The following FSCN3 variants were observed in gnomAD, a reference collection of about 807,000 sequenced individuals.
FSCN3 encodes the protein fascin-3.
Under a neutral mutation model 53.5 loss-of-function variants are expected in FSCN3, and 43 were observed. The observed-to-expected ratio is 0.80, with a 90% CI of 0.63 to 1.04. The LOEUF (loss-of-function observed/expected upper bound fraction) is 1.04, where lower values mean the gene tolerates loss of function less well. Among genes scored for constraint, FSCN3 ranks in the 50% least tolerant of loss-of-function variants. The probability of loss-of-function intolerance (pLI) is 0.00; values close to 1 mark genes in which losing one functional copy is unlikely to be tolerated. For synonymous variants in FSCN3, 235 were observed against 246.6 expected (o/e 0.95, Z 0.44); for missense variants, 594 against 646.5 (o/e 0.92, Z 0.88).
At position 127,595,644 on chromosome 7, in the gene FSCN3, C is replaced by T; in HGVS notation, c.482C>T (p.Pro161Leu). ...CACCGCTGCTATGCCCGGGCTGACC[C>T]CACTATGGGCCGCATCTGGGTGGAC... The part of the protein sequence containing the change: ...PIHRCYARAD[P>L]TMGRIWVDAA... The change falls in exon 2 of 7, where the codon CCC becomes CTC. Residue 161 changes from proline to leucine, a missense_variant. Coordinates refer to ENST00000265825, the MANE Select transcript of FSCN3 (RefSeq NM_020369.3). 6.2e-6 allele frequency: 10 copies of T among 1,614,022 alleles called. No homozygotes were observed. The highest frequency in any genetic ancestry group is 8.5e-6 in the Non-Finnish European group (10 of 1,179,872).
chr7:127,596,133 T>C (rs1366276199), intron 2 of FSCN3, 130 bp downstream of exon 2: 6 of 1,488,230 alleles, frequency 4.0e-6, no homozygotes, highest in Non-Finnish European at 5.3e-6. Context: ...AGGGGATCTT[T>C]TGTGCCATCG....
chr7:127,599,313 C>T lies in FSCN3; in HGVS notation c.1121-68C>T, dbSNP rs542091722. ...CACCCTTCTGCAATTAGCGTCCCCC[C>T]TCCTGCTTCCACTTGGGAAAACACC... On this transcript the variant is annotated intron_variant, in intron 4 of 6. Transcript: ENST00000265825. The T allele has an allele frequency of 9.6e-6, 12 of 1,248,034 alleles. No individual in the cohort carries two copies. In the East Asian group the frequency reaches 2.1e-4, roughly 22 times the overall value. The allele number at this position is 1,248,034 out of a possible 1,614,324, so 77.3% of individuals were successfully genotyped here. A position where few individuals can be genotyped will look rare whatever the true frequency, so the allele number is the denominator to read the frequency against.
intron 2 of FSCN3, 61 bp downstream of exon 2, chr7:127,596,064 T>C (rs1794383689): frequency 6.0e-6 from 9 of 1,500,912 alleles, no homozygotes; most frequent in Non-Finnish European, 8.0e-6. Flanking sequence ...AAGAGGAAAA[T>C]GTGTTTGGGA....
At chr7:127,594,056 G>T (rs914374203) in intron 1 of FSCN3, 59 bp downstream of exon 1, 10 of 1,582,032 alleles carry the variant, frequency 6.3e-6, no homozygotes, top group Non-Finnish European at 8.6e-6. Context: ...GTGTGTGTGT[G>T]TGTGCGCGCG....
Position 127,593,877 on chromosome 7 carries a change from C to G in FSCN3, c.24C>G (p.His8Gln). The G allele has an allele frequency of 6.3e-7, 1 of 1,575,904 alleles. No individual in the cohort carries two copies. Among genetic ancestry groups the G allele is most frequent in the Non-Finnish European group, 8.6e-7 (1 of 1,160,432 alleles). ...CCATGGATGAGACAGAGTGGATACA[C>G]AGACATCCCAAGGCTGAGGACCTAA... is the stretch of plus-strand genomic sequence containing the variant. MDETEWI[H>Q]RHPKAEDLRV... The change falls in exon 1 of 7, where the codon CAC becomes CAG. Residue 8 changes from histidine to glutamine, a missense_variant. His to Gln is a conservative substitution (Grantham distance 24). Transcript: ENST00000265825.
chr7:127,597,753 C>T (rs1010123200), intron 3 of FSCN3, among the ~76,000 whole-genome samples: 1 of 152,188 alleles, frequency 6.6e-6, no homozygotes, highest in African/African-American at 2.4e-5. Flanking sequence ...GCTGGGATTA[C>T]AGGCATGAGC....
intron 3 of FSCN3, chr7:127,596,713 T>G: frequency 4.9e-6 from 1 of 205,436 alleles, no homozygotes; most frequent in Non-Finnish European, 9.6e-6. Flanking sequence ...AAGTATATTA[T>G]GTATGTTTTA....
At chr7:127,596,030 A>T in intron 2 of FSCN3, 27 bp downstream of exon 2, 3 of 1,517,570 alleles carry the variant, frequency 2.0e-6, no homozygotes, top group Non-Finnish European at 2.6e-6. Flanking sequence ...ACACAGATGG[A>T]GGGAGAGAGG....
At chr7:127,594,152 T>G (rs1794341214) in intron 1 of FSCN3, among the ~76,000 whole-genome samples, 155 bp downstream of exon 1, 1 of 118,526 alleles carries the variant, frequency 8.4e-6, no homozygotes, top group Admixed American at 9.6e-5. Context: ...GTTTTCTGAG[T>G]GGCCAAGCTG....
chr7:127,597,245 G>T lies in FSCN3; in HGVS notation c.960+799G>T, dbSNP rs1025433603. Reference sequence around the variant, plus strand: ...TTATCTTGGGTAAATATGTAGGAGTGGAATTACTAGGTTGTATAATAGATA... The same window carrying T: ...TTATCTTGGGTAAATATGTAGGAGTTGAATTACTAGGTTGTATAATAGATA... On this transcript the variant is annotated intron_variant, in intron 3 of 6. Coordinates refer to ENST00000265825, the MANE Select transcript of FSCN3 (RefSeq NM_020369.3). Among the ~76,000 whole-genome samples the T allele has an allele frequency of 2.6e-5, 4 of 152,132 alleles. No homozygotes were observed. In the East Asian group the frequency reaches 7.7e-4, roughly 29 times the overall value.
chr7:127,596,431 C>T lies in FSCN3; in HGVS notation c.945C>T (p.Gly315=). 1 of 1,547,342 alleles carries T rather than the reference C, an allele frequency of 6.5e-7. No individual in the cohort carries two copies. Among genetic ancestry groups the T allele is most frequent in the South Asian group, 1.1e-5 (1 of 89,894 alleles). ...SPTVQLRSAN[G]YYLSQRRHRA... is the part of the protein sequence containing the mutation. The stretch of plus-strand genomic sequence containing the variant: ...CTGTGCAGCTTCGTTCAGCCAATGG[C>T]TACTACCTATCCCAGGTGAGACCTT... The change falls in exon 3 of 7, where the codon GGC becomes GGT. Residue 315 remains glycine, a synonymous_variant. Coordinates refer to ENST00000265825, the MANE Select transcript of FSCN3 (RefSeq NM_020369.3).
intron 1 of FSCN3, 66 bp downstream of exon 1, chr7:127,594,063 C>CGCGCGCGTGTGTGTGCGT: frequency 6.5e-7 from 1 of 1,531,882 alleles, no homozygotes; most frequent in Non-Finnish European, 8.9e-7. Flanking sequence ...TGTGTGTGCG[C>CGCGCGCGTGTGTGTGCGT]GCGCGCGTGT....
intron 3 of FSCN3, among the ~76,000 whole-genome samples, chr7:127,597,787 C>T (rs560977775): frequency 6.6e-6 from 1 of 152,258 alleles, no homozygotes; most frequent in Non-Finnish European, 1.5e-5. Context: ...TTCATGTGCT[C>T]ATTGGACATT....
intron 6 of FSCN3, among the ~76,000 whole-genome samples, chr7:127,600,728 T>C (rs999610821): frequency 1.3e-4 from 20 of 152,144 alleles, no homozygotes; most frequent in Non-Finnish European, 2.1e-4. Flanking sequence ...ACTCTATTTT[T>C]AGGGAAAACG....
In FSCN3 at chr7:127,595,647, C is replaced by A; in HGVS notation, c.485C>A (p.Thr162Asn). Reference protein sequence around the residue: ...IHRCYARADPTMGRIWVDAAV... With the variant: ...IHRCYARADPNMGRIWVDAAV... ...CGCTGCTATGCCCGGGCTGACCCCA[C>A]TATGGGCCGCATCTGGGTGGACGCA... Residue 162 changes from threonine to asparagine, a missense_variant, in exon 2 of 7, where the codon ACT (threonine) becomes AAT (asparagine). Thr to Asn is a moderately conservative substitution (Grantham distance 65). Coordinates refer to ENST00000265825, the MANE Select transcript of FSCN3 (RefSeq NM_020369.3). The A allele has an allele frequency of 6.2e-7, 1 of 1,614,000 alleles. No homozygotes were observed. The highest frequency in any genetic ancestry group is 8.5e-7 in the Non-Finnish European group (1 of 1,179,844).
chr7:127,596,698 C>T, intron 3 of FSCN3: 1 of 237,516 alleles, frequency 4.2e-6, no homozygotes, highest in Non-Finnish European at 7.9e-6. Flanking sequence ...ATATTATTTA[C>T]AAATAAGTAT....
Position 127,595,737 on chromosome 7 carries a change from A to C in FSCN3, c.575A>C (p.Glu192Ala), listed in dbSNP as rs1794377663. The change falls in exon 2 of 7, where the codon GAG becomes GCG. Residue 192 changes from glutamate (E) to alanine (A), a missense_variant. By Grantham distance (107) the Glu-to-Ala change is moderately radical. Transcript: ENST00000265825. ...TTCCGAGATGGATGCTACCACCTGG[A>C]GACCTCTACACACCACTTCTTGTCC... ...LHFRDGCYHL[E>A]TSTHHFLSHV... The C allele has an allele frequency of 6.2e-7, 1 of 1,613,258 alleles. No homozygotes were observed. Among genetic ancestry groups the C allele is most frequent in the Non-Finnish European group, 8.5e-7 (1 of 1,179,614 alleles).
chr7:127,595,869 A>G lies in FSCN3; in HGVS notation c.707A>G (p.Tyr236Cys), dbSNP rs778788818. Residue 236 changes from tyrosine (Y) to cysteine (C), a missense_variant, in exon 2 of 7, where the codon TAT becomes TGT. Transcript: ENST00000265825. ...TGTGATGGAGAAGGAGGCATGTTAT[A>G]TCCACAGGGCACGCATCTGCTCTTG... ...ALCDGEGGML[Y>C]PQGTHLLLGM... The G allele has an allele frequency of 2.5e-6, 4 of 1,613,844 alleles. No homozygotes were observed. Among genetic ancestry groups the G allele is most frequent in the Non-Finnish European group, 3.4e-6 (4 of 1,179,872 alleles).
At chr7:127,597,179 A>G (rs1219428324) in intron 3 of FSCN3, among the ~76,000 whole-genome samples, 1 of 152,252 alleles carries the variant, frequency 6.6e-6, no homozygotes, top group Non-Finnish European at 1.5e-5. Flanking sequence ...AGTTGCTATA[A>G]GCATTCATGT....
Sources: gnomAD v4.1 joint callset for allele counts (sites outside exome capture counted in the v4.1 genomes callset) on GRCh38, gnomAD v4.1.1 for gene constraint, MANE v1.5 for transcripts, NCBI Gene and HGNC (gene_info 2026-07-23, HGNC 2026-07-21) for gene names.